Variants in TFAP2C observed in about 807,000 individuals in gnomAD.
TFAP2C encodes transcription factor AP-2 gamma.
A neutral mutation model predicts 42.9 loss-of-function variants in TFAP2C; 9 were observed. That is an observed-to-expected ratio of 0.21 (90% CI 0.13 to 0.37). TFAP2C has a LOEUF of 0.37. TFAP2C is among the 10% of genes least tolerant of loss of function. The probability of loss-of-function intolerance (pLI) is 1.00; values close to 1 mark genes in which losing one functional copy is unlikely to be tolerated. For synonymous variants in TFAP2C, 264 were observed against 256.0 expected (o/e 1.03, Z -0.30); for missense variants, 462 against 591.7 (o/e 0.78, Z 2.27).
At chr20:56,635,753 A>C (rs1026069956) in intron 5 of TFAP2C, among the ~76,000 whole-genome samples, 20 of 152,210 alleles carry the variant, frequency 1.3e-4, no homozygotes, top group African/African-American at 4.8e-4. Context: ...TACTCATCTC[A>C]GTATCCATGG....
chr20:56,632,817 G>GAA (rs35789407), intron 3 of TFAP2C, among the ~76,000 whole-genome samples: 1 of 141,478 alleles, frequency 7.1e-6, no homozygotes, highest in Non-Finnish European at 1.6e-5. Flanking sequence ...CAGCTGCTAG[G>GAA]AAAAAAAAAA....
chr20:56,637,683 A>G lies in TFAP2C; in HGVS notation c.1068-45A>G, dbSNP rs1029846845. 3.1e-6 allele frequency: 5 copies of G among 1,597,322 alleles called. No homozygotes were observed. In the African/African-American group the frequency reaches 6.7e-5, roughly 21 times the overall value. On this transcript the variant is annotated intron_variant, in intron 6 of 6. Transcript: ENST00000201031. ...AGTTGGTTCTGTGCTCTTGACCTGT[A>G]AGGAGCTAGATGGAACTCATCGAGT...
intron 5 of TFAP2C, among the ~76,000 whole-genome samples, chr20:56,636,042 G>A (rs1004365484): frequency 6.6e-5 from 10 of 152,036 alleles, no homozygotes; most frequent in African/African-American, 2.4e-4. Context: ...CTGAACCCAC[G>A]GATACAGAGG....
intron 6 of TFAP2C, among the ~76,000 whole-genome samples, chr20:56,637,506 A>G (rs1248603559): frequency 6.6e-6 from 1 of 152,214 alleles, no homozygotes; most frequent in African/African-American, 2.4e-5. Flanking sequence ...TTCTAATTGC[A>G]GTGAGGATTA....
Position 56,630,353 on chromosome 20 carries a change from A to G in TFAP2C, c.48+761A>G. Reference sequence around the variant, plus strand: ...GCCCGGGCGCTTCCGCCAGGAGGCGACAGCGCCATGTTCCTCCAGGTTCCC... The same window carrying G: ...GCCCGGGCGCTTCCGCCAGGAGGCGGCAGCGCCATGTTCCTCCAGGTTCCC... On this transcript the variant is annotated intron_variant, in intron 1 of 6. Coordinates refer to ENST00000201031, the MANE Select transcript of TFAP2C (RefSeq NM_003222.4). This position sits in a 1 kb window ranked among gnomAD's most constrained non-coding sequence, Gnocchi z 5.1. 2.2e-6 allele frequency: 1 copy of G among 454,998 alleles called. No individual in the cohort carries two copies. Among genetic ancestry groups the G allele is most frequent in the Non-Finnish European group, 4.5e-6 (1 of 220,882 alleles). 28.2% of individuals were successfully genotyped at this position (454,998 alleles called of 1,614,324 possible).
At chr20:56,636,115 C>T (rs926339421) in intron 5 of TFAP2C, among the ~76,000 whole-genome samples, 4 of 152,186 alleles carry the variant, frequency 2.6e-5, no homozygotes, top group African/African-American at 9.7e-5. Flanking sequence ...GTGATCTCCA[C>T]CCTCTATTCC....
Position 56,636,890 on chromosome 20 carries a change from G to A in TFAP2C, c.1067+136G>A, listed in dbSNP as rs976962547. On this transcript the variant is annotated intron_variant, in intron 6 of 6. Coordinates refer to ENST00000201031, the MANE Select transcript of TFAP2C (RefSeq NM_003222.4). The stretch of plus-strand genomic sequence containing the variant: ...AATTAGGGTGGAGCAAAAGAAAATG[G>A]CAAGGGAGCTTCTTTTACAAAGTCA... 4.6e-6 allele frequency: 5 copies of A among 1,089,402 alleles called. No individual in the cohort carries two copies. The African/African-American group carries it at 6.4e-5, about 14-fold the overall frequency. 67.5% of individuals were successfully genotyped at this position (1,089,402 alleles called of 1,614,324 possible). A position where few individuals can be genotyped will look rare whatever the true frequency, so the allele number is the denominator to read the frequency against.
chr20:56,637,358 G>A (rs554597999), intron 6 of TFAP2C, among the ~76,000 whole-genome samples: 2 of 152,284 alleles, frequency 1.3e-5, no homozygotes, highest in Admixed American at 6.5e-5. Flanking sequence ...GGTTCCTCAC[G>A]GAATTTGTTT....
chr20:56,629,466 C>T lies in TFAP2C; in HGVS notation c.-79C>T, dbSNP rs183636773. 1.8e-4 allele frequency: 236 copies of T among 1,287,356 alleles called. No homozygotes were observed. The African/African-American group carries it at 3.3e-3, about 18-fold the overall frequency. The allele number at this position is 1,287,356 out of a possible 1,614,324, so 79.7% of individuals were successfully genotyped here. Reference sequence around the variant, plus strand: ...GCGGCAGACGCCTGGTCACCGTGACCCCGATTTTGGATTTACCGCTTGGGG... The same window carrying T: ...GCGGCAGACGCCTGGTCACCGTGACTCCGATTTTGGATTTACCGCTTGGGG... On this transcript the variant is annotated 5_prime_UTR_variant, in exon 1 of 7. Coordinates refer to ENST00000201031, the MANE Select transcript of TFAP2C (RefSeq NM_003222.4). The surrounding 1 kb of genome is among the most constrained non-coding windows in gnomAD (Gnocchi z 5.9).
rs900639402 is a variant in TFAP2C, at chr20:56,630,739, C to G, written c.49-466C>G. The G allele has an allele frequency of 3.0e-6, 3 of 985,236 alleles. No homozygotes were observed. The Admixed American group carries it at 1.8e-4, about 61-fold the overall frequency. 61.0% of individuals were successfully genotyped at this position (985,236 alleles called of 1,614,324 possible). A position where few individuals can be genotyped will look rare whatever the true frequency, so the allele number is the denominator to read the frequency against. ...CGGGGGAGGTGCGCATTTCCCGCGC[C>G]GCGCACTCTATCCGCGCCTGCCGCG... is the stretch of plus-strand genomic sequence containing the variant. On this transcript the variant is annotated intron_variant, in intron 1 of 6. Coordinates refer to ENST00000201031, the MANE Select transcript of TFAP2C (RefSeq NM_003222.4). This position sits in a 1 kb window ranked among gnomAD's most constrained non-coding sequence, Gnocchi z 5.1.
chr20:56,638,072 T>C lies in TFAP2C; in HGVS notation c.*59T>C. 1.5e-5 allele frequency: 23 copies of C among 1,490,436 alleles called. No individual in the cohort carries two copies. The South Asian group carries it at 2.4e-4, about 16-fold the overall frequency. 92.3% of individuals were successfully genotyped at this position (1,490,436 alleles called of 1,614,324 possible). On this transcript the variant is annotated 3_prime_UTR_variant, in exon 7 of 7. Transcript: ENST00000201031. ...AGGAACAGGACTGCAAAAATCCTTC[T>C]CCACCGCACAGACTGGGAACCCCTC...
chr20:56,634,401 C>G (rs1987548385), intron 5 of TFAP2C, 133 bp downstream of exon 5: 1 of 682,270 alleles, frequency 1.5e-6, no homozygotes, highest in Non-Finnish European at 2.6e-6. Flanking sequence ...TGGAATTGTT[C>G]TCTAAGTTTA....
intron 5 of TFAP2C, among the ~76,000 whole-genome samples, chr20:56,635,680 A>G (rs905113671): frequency 6.6e-6 from 1 of 152,176 alleles, no homozygotes; most frequent in Non-Finnish European, 1.5e-5. Context: ...CTTAATATAA[A>G]GAGAAAACAT....
Position 56,631,298 on chromosome 20 carries a change from C to A in TFAP2C, c.142C>A (p.His48Asn), listed in dbSNP as rs1488286400. The change falls in exon 2 of 7, where the codon CAC becomes AAC. Residue 48 changes from histidine to asparagine, a missense_variant. By Grantham distance (68) the His-to-Asn change is moderately conservative. Transcript: ENST00000201031. This position sits in a 1 kb window ranked among gnomAD's most constrained non-coding sequence, Gnocchi z 6.1. ...HLYSPAPPLSHTGVAEYQPPP... is the reference protein window; with the variant it reads ...HLYSPAPPLSNTGVAEYQPPP... ...CTACAGCCCCGCGCCACCCCTCTCC[C>A]ACACTGGAGTCGCCGAATATCAGCC... The A allele has an allele frequency of 1.9e-6, 3 of 1,607,952 alleles. No homozygotes were observed. Among genetic ancestry groups the A allele is most frequent in the Non-Finnish European group, 2.5e-6 (3 of 1,177,874 alleles).
rs745741258 is a variant in TFAP2C at position 56,631,670 on chromosome 20, C to G, written c.514C>G (p.His172Asp). The change falls in exon 2 of 7, where the codon CAC becomes GAC. Residue 172 changes from histidine (H) to aspartate (D), a missense_variant. By Grantham distance (81) the His-to-Asp change is moderately conservative (BLOSUM62 -1). This residue lies in a region of TFAP2C where 271 missense variants were observed against 269.7 expected (regional missense o/e 1.00). Transcript: ENST00000201031. This position sits in a 1 kb window ranked among gnomAD's most constrained non-coding sequence, Gnocchi z 6.1. ...GAACCTGGGGCTCCACGACATGCCT[C>G]ACCAGATGGACGAGGTGCAGGTGAG... ...AENLGLHDMP[H>D]QMDEVQNVDD... is the part of the protein sequence containing the mutation. 4.4e-6 allele frequency: 7 copies of G among 1,589,612 alleles called. No individual in the cohort carries two copies. The Admixed American group carries it at 1.2e-4, about 27-fold the overall frequency.
chr20:56,634,074 T>A lies in TFAP2C; in HGVS notation c.804-76T>A. ...GCTTTGACAGCAGCACTTTAGGAGT[T>A]TAGAATTTTTAAAGTGTGCGTGTGT... is the stretch of plus-strand genomic sequence containing the variant. On this transcript the variant is annotated intron_variant, in intron 4 of 6. Coordinates refer to ENST00000201031, the MANE Select transcript of TFAP2C (RefSeq NM_003222.4). The A allele has an allele frequency of 3.1e-6, 3 of 966,430 alleles. No individual in the cohort carries two copies. The East Asian group carries it at 7.2e-5, about 23-fold the overall frequency. The allele number at this position is 966,430 out of a possible 1,614,324, so 59.9% of individuals were successfully genotyped here.
chr20:56,633,549 A>G lies in TFAP2C; in HGVS notation c.783A>G (p.Leu261=). 1.2e-6 allele frequency: 2 copies of G among 1,614,108 alleles called. No individual in the cohort carries two copies. The highest frequency in any genetic ancestry group is 1.7e-6 in the Non-Finnish European group (2 of 1,179,988). The change falls in exon 4 of 7, where the codon TTA becomes TTG. Residue 261 remains leucine, a synonymous_variant. Coordinates refer to ENST00000201031, the MANE Select transcript of TFAP2C (RefSeq NM_003222.4). ...CACCTGAATGCTTAAATGCCTCGTT[A>G]CTGGGAGGTGTTCTCAGAAGGTACT... ...LSPPECLNAS[L]LGGVLRRAKS... is the part of the protein sequence containing the mutation.
At position 56,631,769 on chromosome 20, in the gene TFAP2C, C is replaced by T. The variant is rs568306342; in HGVS notation, c.535-36C>T. The stretch of plus-strand genomic sequence containing the variant: ...CCCACCCCGCACTCCTCTAGGCTCC[C>T]CCGAACTTAAGGGAATTTTGTCCTC... On this transcript the variant is annotated intron_variant, in intron 2 of 6. Coordinates refer to ENST00000201031, the MANE Select transcript of TFAP2C (RefSeq NM_003222.4). The surrounding 1 kb of genome is among the most constrained non-coding windows in gnomAD (Gnocchi z 6.1). The T allele has an allele frequency of 1.3e-5, 21 of 1,614,070 alleles. No homozygotes were observed. Among genetic ancestry groups the T allele is most frequent in the East Asian group, 6.7e-5 (3 of 44,884 alleles).
Position 56,636,632 on chromosome 20 carries a change from G to A in TFAP2C, c.945G>A (p.Arg315=). 2 of 1,613,950 alleles carry A rather than the reference G, an allele frequency of 1.2e-6. No individual in the cohort carries two copies. Among genetic ancestry groups the A allele is most frequent in the Non-Finnish European group, 8.5e-7 (1 of 1,179,952 alleles). The change falls in exon 6 of 7, where the codon AGG becomes AGA. Residue 315 remains arginine (R), a synonymous_variant. Transcript: ENST00000201031. Reference sequence around the variant, plus strand: ...TAGGTGAAGCTGTTCATTTGGCTAGGGACTTTGCCTATGTCTGTGAAGCCG... The same window carrying A: ...TAGGTGAAGCTGTTCATTTGGCTAGAGACTTTGCCTATGTCTGTGAAGCCG... ...LVEGEAVHLA[R]DFAYVCEAEF...
Sources: allele counts gnomAD v4.1 joint callset (sites outside exome capture counted in the v4.1 genomes callset), GRCh38; gene constraint gnomAD v4.1.1; regional missense constraint gnomAD v4.1.1; non-coding constraint Gnocchi (gnomAD v3.1); transcripts MANE v1.5; gene names NCBI Gene and HGNC (gene_info 2026-07-23, HGNC 2026-07-21).